The following NXPH1 variants were observed in gnomAD, a reference collection of about 807,000 sequenced individuals.
The protein encoded by NXPH1 is neurexophilin 1.
A neutral mutation model predicts 23.7 loss-of-function variants in NXPH1; 5 were observed. The observed-to-expected ratio is 0.21, with a 90% CI of 0.11 to 0.44. The LOEUF is 0.44. NXPH1 is among the 20% of genes least tolerant of loss of function. NXPH1 has a pLI of 0.99. For synonymous variants in NXPH1, 144 were observed against 122.2 expected (o/e 1.18, Z -1.18); for missense variants, 324 against 321.6 (o/e 1.01, Z -0.06).
At chr7:8,471,630 A>C (rs1006497427) in intron 2 of NXPH1, among the ~76,000 whole-genome samples, 2 of 152,152 alleles carry the variant, frequency 1.3e-5, no homozygotes, top group African/African-American at 4.8e-5. Context: ...ATGGCCTTCA[A>C]CTAACTAGAG....
intron 2 of NXPH1, among the ~76,000 whole-genome samples, chr7:8,486,997 A>C (rs543610611): frequency 1.3e-5 from 2 of 152,248 alleles, no homozygotes; most frequent in Admixed American, 1.3e-4. Flanking sequence ...CCATGATCAG[A>C]TATTATGCAT....
intron 2 of NXPH1, among the ~76,000 whole-genome samples, chr7:8,576,972 C>G (rs1818767210): frequency 2.0e-5 from 3 of 152,036 alleles, no homozygotes; most frequent in South Asian, 4.2e-4. Context: ...AATATTTACT[C>G]AAGCATCTGA....
chr7:8,521,880 A>G (rs1318754990), intron 2 of NXPH1, among the ~76,000 whole-genome samples: 1 of 152,060 alleles, frequency 6.6e-6, no homozygotes, highest in South Asian at 2.1e-4. Flanking sequence ...GGATATGGAG[A>G]TTTGGATAGG....
At chr7:8,718,178 A>G (rs1409247676) in intron 2 of NXPH1, among the ~76,000 whole-genome samples, 2 of 152,142 alleles carry the variant, frequency 1.3e-5, no homozygotes, top group African/African-American at 4.8e-5. Context: ...TGACAAAGAG[A>G]TATTTCTTTG....
chr7:8,546,097 G>C (rs1226846895), intron 2 of NXPH1, among the ~76,000 whole-genome samples: 1 of 151,400 alleles, frequency 6.6e-6, no homozygotes, highest in Non-Finnish European at 1.5e-5. Context: ...AGTGTGTAAA[G>C]CTGAAACCTC....
chr7:8,664,480 G>A (rs746744326), intron 2 of NXPH1, among the ~76,000 whole-genome samples: 4 of 151,942 alleles, frequency 2.6e-5, no homozygotes, highest in Non-Finnish European at 5.9e-5. Context: ...TTTTAAAAGT[G>A]ATATCTATTT....
At chr7:8,567,740 G>A (rs1321869286) in intron 2 of NXPH1, among the ~76,000 whole-genome samples, 1 of 151,858 alleles carries the variant, frequency 6.6e-6, no homozygotes, top group Non-Finnish European at 1.5e-5. Context: ...TCCTGCTAGT[G>A]TGGCTATGTG....
At chr7:8,609,047 T>C (rs1819561741) in intron 2 of NXPH1, among the ~76,000 whole-genome samples, 1 of 151,998 alleles carries the variant, frequency 6.6e-6, no homozygotes, top group South Asian at 2.1e-4. Flanking sequence ...TAAATGAGAG[T>C]CATTTTGCTT....
At chr7:8,565,010 G>A (rs1818514205) in intron 2 of NXPH1, among the ~76,000 whole-genome samples, 1 of 151,730 alleles carries the variant, frequency 6.6e-6, no homozygotes, top group African/African-American at 2.4e-5. Context: ...TTAAATTTTG[G>A]ATTAGAGGTA....
rs138340442 is a variant in NXPH1 at position 8,628,806 on chromosome 7, G to A, written c.55-122202G>A. Among the ~76,000 whole-genome samples, 702 of 151,948 alleles carry A rather than the reference G, an allele frequency of 4.6e-3. 5 individuals are homozygous for A. Among genetic ancestry groups the A allele is most frequent in the African/African-American group, 0.016 (649 of 41,422 alleles). On this transcript the variant is annotated intron_variant, in intron 2 of 2. Transcript: ENST00000405863. ...TGTAAATTTAGCAGAGATTTGACGC[G>A]TATGTTTGAACAGACGGTGGTGCAG... is the stretch of plus-strand genomic sequence containing the variant.
chr7:8,628,888 C>T (rs1434671674), intron 2 of NXPH1, among the ~76,000 whole-genome samples: 1 of 151,294 alleles, frequency 6.6e-6, no homozygotes, highest in African/African-American at 2.4e-5. Context: ...AGCCAGACCC[C>T]GTATGGGGTT....
chr7:8,576,091 A>G (rs1384102118), intron 2 of NXPH1, among the ~76,000 whole-genome samples: 1 of 152,194 alleles, frequency 6.6e-6, no homozygotes, highest in African/African-American at 2.4e-5. Flanking sequence ...GCCACTGATA[A>G]CAACACAAGA....
intron 2 of NXPH1, among the ~76,000 whole-genome samples, chr7:8,486,226 GC>G (rs1437927241): frequency 6.6e-6 from 1 of 152,170 alleles, no homozygotes; most frequent in African/African-American, 2.4e-5. Flanking sequence ...GCCACAGGGA[GC>G]AAAATGGCAT....
At chr7:8,592,442 G>A (rs1478529592) in intron 2 of NXPH1, among the ~76,000 whole-genome samples, 5 of 151,998 alleles carry the variant, frequency 3.3e-5, no homozygotes, top group Admixed American at 2.0e-4. Context: ...CCACTTAGGG[G>A]TAAGTCATGC....
Position 8,725,377 on chromosome 7 carries a change from C to T in NXPH1, c.55-25631C>T, listed in dbSNP as rs1780034241. On this transcript the variant is annotated intron_variant, in intron 2 of 2. Transcript: ENST00000405863. ...TGGTGGTGGGCGCCTGTAGTCCCAGCTACGCAGTAGGCTGAGGCATGAGGA... is the reference window on the plus strand; with the variant it reads ...TGGTGGTGGGCGCCTGTAGTCCCAGTTACGCAGTAGGCTGAGGCATGAGGA... 2.0e-5 allele frequency among the ~76,000 whole-genome samples: 3 copies of T among 151,766 alleles called. No individual in the cohort carries two copies. In the South Asian group the frequency reaches 6.2e-4, roughly 32 times the overall value.
At chr7:8,662,179 T>C (rs1367354510) in intron 2 of NXPH1, among the ~76,000 whole-genome samples, 1 of 73,200 alleles carries the variant, frequency 1.4e-5, no homozygotes, top group East Asian at 3.9e-3. Flanking sequence ...TTTATATATA[T>C]ATATATATAT....
chr7:8,674,257 A>G (rs1359656313), intron 2 of NXPH1, among the ~76,000 whole-genome samples: 2 of 151,496 alleles, frequency 1.3e-5, no homozygotes, highest in South Asian at 2.1e-4. Context: ...TAATAGTTCT[A>G]TTGTACAAAT....
intron 2 of NXPH1, among the ~76,000 whole-genome samples, chr7:8,645,552 C>T (rs1241460484): frequency 6.6e-6 from 1 of 151,928 alleles, no homozygotes; most frequent in Non-Finnish European, 1.5e-5. Flanking sequence ...TTTTAGGTAT[C>T]AACCCTTTTT....
At chr7:8,600,197 T>C (rs1253226881) in intron 2 of NXPH1, among the ~76,000 whole-genome samples, 1 of 141,562 alleles carries the variant, frequency 7.1e-6, no homozygotes, top group African/African-American at 3.1e-5. Flanking sequence ...TATAAGAAAG[T>C]AGGCAAAGGC....
Sources: gnomAD v4.1 joint callset for allele counts (sites outside exome capture counted in the v4.1 genomes callset) on GRCh38, gnomAD v4.1.1 for gene constraint, MANE v1.5 for transcripts, NCBI Gene and HGNC (gene_info 2026-07-23, HGNC 2026-07-21) for gene names.